The following COL1A1 variants were observed in gnomAD, a reference collection of about 807,000 sequenced individuals.
COL1A1 encodes collagen type I alpha 1 chain, also known as collagen alpha-1(I) chain.
Under a neutral mutation model 195.7 loss-of-function variants are expected in COL1A1, and 21 were observed. That is an observed-to-expected ratio of 0.11 (90% CI 0.08 to 0.15). The LOEUF (loss-of-function observed/expected upper bound fraction) is 0.15, where lower values mean the gene tolerates loss of function less well. Ranked by LOEUF, COL1A1 falls within the 10% of genes least tolerant of loss-of-function variation. The pLI, the probability that COL1A1 is intolerant of heterozygous loss-of-function variation, is 1.00. For synonymous variants in COL1A1, 749 were observed against 747.3 expected (o/e 1.00, Z -0.04); for missense variants, 1,365 against 2,051.0 (o/e 0.67, Z 6.46).
intron 10 of COL1A1, 49 bp from the exon 11 acceptor site, chr17:50,197,112 G>A: frequency 6.2e-7 from 1 of 1,613,866 alleles, no homozygotes; most frequent in Non-Finnish European, 8.5e-7. Context: ...ACACATCACT[G>A]TGGACCCAGC....
At chr17:50,198,725 C>A in intron 5 of COL1A1, 1 of 576,260 alleles carries the variant, frequency 1.7e-6, no homozygotes, top group Non-Finnish European at 3.1e-6. Flanking sequence ...CTCATCAAAA[C>A]TCCCAGTGCC....
At position 50,199,850 on chromosome 17, in the gene COL1A1, C is replaced by T. The variant is rs750319767; in HGVS notation, c.201G>A (p.Lys67=). 11 of 1,614,118 alleles carry T rather than the reference C, an allele frequency of 6.8e-6. No homozygotes were observed. The South Asian group carries it at 1.1e-4, about 16-fold the overall frequency. The change falls in exon 2 of 51, where the codon AAG becomes AAA. Residue 67 remains lysine, a synonymous_variant. Transcript: ENST00000225964. ...PCRICVCDNG[K]VLCDDVICDE... Reference sequence around the variant, plus strand: ...CACAGATCACGTCATCGCACAACACCTTGCCGTTGTCGCAGACGCAGATCC... The same window carrying T: ...CACAGATCACGTCATCGCACAACACTTTGCCGTTGTCGCAGACGCAGATCC...
At position 50,185,401 on chromosome 17, in the gene COL1A1, T is replaced by C; in HGVS notation, c.*101A>G. 7.6e-7 allele frequency: 1 copy of C among 1,320,602 alleles called. No homozygotes were observed. Among genetic ancestry groups the C allele is most frequent in the Middle Eastern group, 2.1e-4 (1 of 4,718 alleles). The allele number at this position is 1,320,602 out of a possible 1,614,324, so 81.8% of individuals were successfully genotyped here. On this transcript the variant is annotated 3_prime_UTR_variant, in exon 51 of 51. Coordinates refer to ENST00000225964, the MANE Select transcript of COL1A1 (RefSeq NM_000088.4). ...AAGTCCATGTGAAATTGTCTCCCAT[T>C]TTTTGGCTTTTGAGGGGGTTCAGTT...
intron 4 of COL1A1, 21 bp from the exon 5 acceptor site, chr17:50,199,348 G>T: frequency 6.3e-7 from 1 of 1,589,460 alleles, no homozygotes; most frequent in African/African-American, 1.3e-5. Context: ...AGAGGGCGGG[G>T]CCGGGGTGAG....
At chr17:50,192,907 C>A (rs41316669) in intron 26 of COL1A1, 57 bp from the exon 27 acceptor site, 2 of 1,612,826 alleles carry the variant, frequency 1.2e-6, no homozygotes, top group African/African-American at 2.7e-5. Context: ...CAGCTGAGGA[C>A]CGTGGCCTCT....
chr17:50,195,567 A>C lies in COL1A1; in HGVS notation c.1155T>G (p.Ala385=). The C allele has an allele frequency of 1.2e-6, 2 of 1,613,992 alleles. No individual in the cohort carries two copies. The highest frequency in any genetic ancestry group is 1.7e-6 in the Non-Finnish European group (2 of 1,179,928). The change falls in exon 17 of 51, where the codon GCT becomes GCG. Residue 385 remains alanine (A), a splice_region_variant and synonymous_variant. Transcript: ENST00000225964. This position sits in a 1 kb window ranked among gnomAD's most constrained non-coding sequence, Gnocchi z 4.3. The part of the protein sequence containing the change: ...PPGPAGAAGP[A]GNPGADGQPG... ...GGGACACTGAGTCGGGGACACTTAC[A>C]GCAGGGCCAGCAGCACCAGCAGGGC...
Position 50,195,269 on chromosome 17 carries a change from T to A in COL1A1, c.1262A>T (p.Gln421Leu), listed in dbSNP as rs1907479487. Residue 421 changes from glutamine to leucine, a missense_variant, in exon 19 of 51, where the codon CAG (glutamine) becomes CTG (leucine). Gln to Leu is a moderately radical substitution (Grantham distance 113). Transcript: ENST00000225964. This position sits in a 1 kb window ranked among gnomAD's most constrained non-coding sequence, Gnocchi z 4.3. Reference sequence around the variant, plus strand: ...GGGACCAGGAGGGCCGCCGGGGCCCTGGGGTCCAGAGGGGCCTCGGGCACC... The same window carrying A: ...GGGACCAGGAGGGCCGCCGGGGCCCAGGGGTCCAGAGGGGCCTCGGGCACC... Reference protein sequence around the residue: ...FPGARGPSGPQGPGGPPGPKG... With the variant: ...FPGARGPSGPLGPGGPPGPKG... The A allele has an allele frequency of 1.2e-6, 2 of 1,613,128 alleles. No homozygotes were observed. Among genetic ancestry groups the A allele is most frequent in the Admixed American group, 1.7e-5 (1 of 59,896 alleles).
chr17:50,191,011 G>A, intron 32 of COL1A1, 87 bp from the exon 33 acceptor site: 1 of 1,227,202 alleles, frequency 8.1e-7, no homozygotes, highest in Non-Finnish European at 1.2e-6. Context: ...TTCCTGAGAG[G>A]CCCTCTGCAG....
intron 1 of COL1A1, among the ~76,000 whole-genome samples, chr17:50,200,985 G>A (rs962156989): frequency 6.6e-6 from 1 of 152,120 alleles, no homozygotes; most frequent in Non-Finnish European, 1.5e-5. Flanking sequence ...GCACCCCCAC[G>A]GCCCCAGCAA....
chr17:50,190,262 A>T lies in COL1A1; in HGVS notation c.2451+65T>A. 1.5e-6 allele frequency: 2 copies of T among 1,344,234 alleles called. No homozygotes were observed. The highest frequency in any genetic ancestry group is 2.1e-6 in the Non-Finnish European group (2 of 934,772). 83.3% of individuals were successfully genotyped at this position (1,344,234 alleles called of 1,614,324 possible). A position where few individuals can be genotyped will look rare whatever the true frequency, so the allele number is the denominator to read the frequency against. ...GAGGATGGCTGACGCCTTTGTCCTCATTCCGTCCCTCGAGGTCCCAGGTCC... is the reference window on the plus strand; with the variant it reads ...GAGGATGGCTGACGCCTTTGTCCTCTTTCCGTCCCTCGAGGTCCCAGGTCC... On this transcript the variant is annotated intron_variant, in intron 35 of 50. Transcript: ENST00000225964. The surrounding 1 kb of genome is among the most constrained non-coding windows in gnomAD (Gnocchi z 4.7).
chr17:50,190,485 G>A lies in COL1A1; in HGVS notation c.2397+58C>T. ...TGAAGGCACAGACAGGGCCAGGGGTGCTGTGTGAAGGGAGGGAAGGGCCAA... is the reference window on the plus strand; with the variant it reads ...TGAAGGCACAGACAGGGCCAGGGGTACTGTGTGAAGGGAGGGAAGGGCCAA... On this transcript the variant is annotated intron_variant, in intron 34 of 50. Transcript: ENST00000225964. This position sits in a 1 kb window ranked among gnomAD's most constrained non-coding sequence, Gnocchi z 4.7. The A allele has an allele frequency of 1.2e-6, 2 of 1,600,702 alleles. No homozygotes were observed. Among genetic ancestry groups the A allele is most frequent in the South Asian group, 1.1e-5 (1 of 90,776 alleles).
intron 11 of COL1A1, 135 bp from the exon 12 acceptor site, chr17:50,196,805 A>C: frequency 3.4e-6 from 4 of 1,178,714 alleles, no homozygotes; most frequent in South Asian, 1.2e-5. Context: ...CTAAACCCCA[A>C]CTGGCTCTAG....
Position 50,190,802 on chromosome 17 carries a change from A to T in COL1A1, c.2343+15T>A. 1 of 1,596,682 alleles carries T rather than the reference A, an allele frequency of 6.3e-7. No homozygotes were observed. Among genetic ancestry groups the T allele is most frequent in the Non-Finnish European group, 8.6e-7 (1 of 1,164,584 alleles). On this transcript the variant is annotated intron_variant, in intron 33 of 50. Coordinates refer to ENST00000225964, the MANE Select transcript of COL1A1 (RefSeq NM_000088.4). The surrounding 1 kb of genome is among the most constrained non-coding windows in gnomAD (Gnocchi z 4.7). ...CTATGTGTTAGGGCAGAAGGTGGGGAGGCGGCCACCTCACCTTGTCACCAG... is the reference window on the plus strand; with the variant it reads ...CTATGTGTTAGGGCAGAAGGTGGGGTGGCGGCCACCTCACCTTGTCACCAG...
Position 50,189,324 on chromosome 17 carries a change from C to G in COL1A1, c.2830-49G>C. On this transcript the variant is annotated intron_variant, in intron 39 of 50. Coordinates refer to ENST00000225964, the MANE Select transcript of COL1A1 (RefSeq NM_000088.4). The surrounding 1 kb of genome is among the most constrained non-coding windows in gnomAD (Gnocchi z 5.5). Reference sequence around the variant, plus strand: ...GGTGCCAGAGAGCAGCACAGGGACCCCTCCCCAGCTCTGCACACCTCCGGA... The same window carrying G: ...GGTGCCAGAGAGCAGCACAGGGACCGCTCCCCAGCTCTGCACACCTCCGGA... 1 of 1,613,708 alleles carries G rather than the reference C, an allele frequency of 6.2e-7. No individual in the cohort carries two copies. Among genetic ancestry groups the G allele is most frequent in the Non-Finnish European group, 8.5e-7 (1 of 1,179,858 alleles).
Position 50,185,101 on chromosome 17 carries a change from G to A in COL1A1, c.*401C>T, listed in dbSNP as rs1906357607. 3.6e-6 allele frequency: 1 copy of A among 278,976 alleles called. No homozygotes were observed. Among genetic ancestry groups the A allele is most frequent in the East Asian group, 5.6e-5 (1 of 18,014 alleles). The allele number at this position is 278,976 out of a possible 1,614,324, so 17.3% of individuals were successfully genotyped here. A position where few individuals can be genotyped will look rare whatever the true frequency, so the allele number is the denominator to read the frequency against. On this transcript the variant is annotated 3_prime_UTR_variant, in exon 51 of 51. Coordinates refer to ENST00000225964, the MANE Select transcript of COL1A1 (RefSeq NM_000088.4). ...TCTTCTGGGGAGACAGATTTGGGAA[G>A]GAGTGGAGGGGAGGCCCCAAGGGGG...
In COL1A1 at chr17:50,195,375, A is replaced by C; in HGVS notation, c.1201-45T>G. On this transcript the variant is annotated intron_variant, in intron 18 of 50. Coordinates refer to ENST00000225964, the MANE Select transcript of COL1A1 (RefSeq NM_000088.4). This position sits in a 1 kb window ranked among gnomAD's most constrained non-coding sequence, Gnocchi z 4.3. Reference sequence around the variant, plus strand: ...AGGGCGTGAGCCTAGGAGCAGAGGGAAAGGGGCAGGCAGGCTGCAGGCGGC... The same window carrying C: ...AGGGCGTGAGCCTAGGAGCAGAGGGCAAGGGGCAGGCAGGCTGCAGGCGGC... 1 of 1,613,648 alleles carries C rather than the reference A, an allele frequency of 6.2e-7. No homozygotes were observed. The highest frequency in any genetic ancestry group is 8.5e-7 in the Non-Finnish European group (1 of 1,179,684).
Position 50,190,992 on chromosome 17 carries a change from T to A in COL1A1, c.2236-68A>T. 1 of 1,475,008 alleles carries A rather than the reference T, an allele frequency of 6.8e-7. No individual in the cohort carries two copies. Among genetic ancestry groups the A allele is most frequent in the Middle Eastern group, 1.7e-4 (1 of 5,852 alleles). The allele number at this position is 1,475,008 out of a possible 1,614,324, so 91.4% of individuals were successfully genotyped here. A position where few individuals can be genotyped will look rare whatever the true frequency, so the allele number is the denominator to read the frequency against. ...GAGGTGACCTATAGTGTTCTGCTTG[T>A]GTCTGGGTTTCCTGAGAGGCCCTCT... On this transcript the variant is annotated intron_variant, in intron 32 of 50. Transcript: ENST00000225964. This position sits in a 1 kb window ranked among gnomAD's most constrained non-coding sequence, Gnocchi z 4.7.
rs1907614952 is a variant in COL1A1 at position 50,196,621 on chromosome 17, G to A, written c.854C>T (p.Pro285Leu). The change falls in exon 12 of 51, where the codon CCT becomes CTT. Residue 285 changes from proline (P) to leucine (L), a missense_variant. Coordinates refer to ENST00000225964, the MANE Select transcript of COL1A1 (RefSeq NM_000088.4). ...GAKGDAGPAGPKGEPGSPGEN... is the reference protein window; with the variant it reads ...GAKGDAGPAGLKGEPGSPGEN... ...GATGTTCAGACAGCCTCTTACCTTA[G>A]GACCAGCAGGACCAGCATCTCCCTT... The A allele has an allele frequency of 6.2e-7, 1 of 1,614,008 alleles. No homozygotes were observed. The highest frequency in any genetic ancestry group is 1.3e-5 in the African/African-American group (1 of 74,890).
In COL1A1 at chr17:50,190,835, A is replaced by G. The variant is rs746555107; in HGVS notation, c.2325T>C (p.Ala775=). Residue 775 remains alanine, a synonymous_variant, in exon 33 of 51, where the codon GCT becomes GCC. Coordinates refer to ENST00000225964, the MANE Select transcript of COL1A1 (RefSeq NM_000088.4). The surrounding 1 kb of genome is among the most constrained non-coding windows in gnomAD (Gnocchi z 4.7). ...LTGPIGPPGP[A]GAPGDKGESG... ...ACCTCACCTTGTCACCAGGGGCACC[A>G]GCAGGGCCAGGAGGACCAATGGGGC... 5.0e-6 allele frequency: 8 copies of G among 1,613,362 alleles called. No individual in the cohort carries two copies. The highest frequency in any genetic ancestry group is 3.4e-6 in the Non-Finnish European group (4 of 1,179,474).
Sources: allele counts gnomAD v4.1 joint callset (sites outside exome capture counted in the v4.1 genomes callset), GRCh38; gene constraint gnomAD v4.1.1; non-coding constraint Gnocchi (gnomAD v3.1); transcripts MANE v1.5; gene names NCBI Gene and HGNC (gene_info 2026-07-23, HGNC 2026-07-21).